TBC1D4: variants seen among roughly 807,000 people sequenced by gnomAD.
TBC1D4 encodes TBC1 domain family member 4, also known as TBC (Tre-2, BUB2, CDC16) domain-containing protein.
In TBC1D4, 121 loss-of-function variants were observed where a neutral mutation model predicts 142.5. The observed-to-expected ratio is 0.85, with a 90% CI of 0.73 to 0.99. The LOEUF is 0.99. Among genes scored for constraint, TBC1D4 ranks in the 50% least tolerant of loss-of-function variants. The pLI is 0.00. For synonymous variants in TBC1D4, 630 were observed against 628.2 expected, an observed-to-expected ratio of 1.00 and a Z score of -0.04; for missense variants, 1,475 against 1,606.6, an observed-to-expected ratio of 0.92 and a Z score of 1.40.
rs369238359 is a variant in TBC1D4 at position 75,312,857 on chromosome 13, T to C, written c.2264A>G (p.Asn755Ser). 1.7e-5 allele frequency: 27 copies of C among 1,614,060 alleles called. No individual in the cohort carries two copies. The African/African-American group carries it at 3.1e-4, about 18-fold the overall frequency. Residue 755 changes from asparagine (N) to serine (S), a missense_variant, in exon 13 of 21, where the codon AAT (asparagine) becomes AGT (serine). Asn to Ser is a conservative substitution (Grantham distance 46). Coordinates refer to ENST00000377636, the MANE Select transcript of TBC1D4 (RefSeq NM_014832.5). ...GRKRTSSTCSNESLSVGGTSV... is the reference protein window; with the variant it reads ...GRKRTSSTCSSESLSVGGTSV... ...GGTTCCTCCCACACTTAGGGACTCA[T>C]TGCTGCAGGTAGATGAGGTCCTTTT...
In TBC1D4 at chr13:75,362,077, G is replaced by A; in HGVS notation, c.1029C>T (p.Pro343=). The change falls in exon 2 of 21, where the codon CCC becomes CCT. Residue 343 remains proline, a synonymous_variant. Coordinates refer to ENST00000377636, the MANE Select transcript of TBC1D4 (RefSeq NM_014832.5). The surrounding 1 kb of genome is among the most constrained non-coding windows in gnomAD (Gnocchi z 4.2). ...SQPRRRHASA[P]SHVQPSDSEK... is the part of the protein sequence containing the mutation. ...CCGAGTCCGAGGGCTGGACGTGACT[G>A]GGTGCGCTCGCGTGTCTCCGTCGCG... 5 of 1,614,100 alleles carry A rather than the reference G, an allele frequency of 3.1e-6. No individual in the cohort carries two copies. The highest frequency in any genetic ancestry group is 4.2e-6 in the Non-Finnish European group (5 of 1,180,034).
In TBC1D4 at chr13:75,393,359, T is replaced by G. The variant is rs1454032593; in HGVS notation, c.499-30752A>C. Among the ~76,000 whole-genome samples the G allele has an allele frequency of 2.6e-5, 4 of 152,256 alleles. No homozygotes were observed. In the East Asian group the frequency reaches 7.7e-4, roughly 29 times the overall value. On this transcript the variant is annotated intron_variant, in intron 1 of 20. Coordinates refer to ENST00000377636, the MANE Select transcript of TBC1D4 (RefSeq NM_014832.5). ...TTTCAGTAGAACAATTAATACTGTC[T>G]CAGTTCTTAATATTTATATAATAAA... is the stretch of plus-strand genomic sequence containing the variant.
intron 2 of TBC1D4, among the ~76,000 whole-genome samples, chr13:75,360,564 G>GTT (rs935858119): frequency 6.9e-6 from 1 of 145,180 alleles, no homozygotes; most frequent in Non-Finnish European, 1.5e-5. Context: ...TCAGGGGTGT[G>GTT]TTTTTTTTTA....
intron 3 of TBC1D4, 82 bp downstream of exon 3, chr13:75,359,687 G>A: frequency 9.2e-7 from 1 of 1,085,812 alleles, no homozygotes; most frequent in South Asian, 1.4e-5. Flanking sequence ...AAAATTTGAA[G>A]GGGGTCAAGC....
chr13:75,439,535 CTAAA>C (rs1228609228), intron 1 of TBC1D4, among the ~76,000 whole-genome samples: 1 of 152,184 alleles, frequency 6.6e-6, no homozygotes, highest in Non-Finnish European at 1.5e-5. Context: ...ATATAAATAG[CTAAA>C]TAACTCACTT....
chr13:75,420,866 C>A (rs139876024), intron 1 of TBC1D4, among the ~76,000 whole-genome samples: 4 of 152,180 alleles, frequency 2.6e-5, no homozygotes, highest in African/African-American at 4.8e-5. Flanking sequence ...AAGAAATATA[C>A]CCTCTACAAG....
At chr13:75,313,272 TA>T (rs1169765698) in intron 12 of TBC1D4, among the ~76,000 whole-genome samples, 1 of 152,226 alleles carries the variant, frequency 6.6e-6, no homozygotes, top group Non-Finnish European at 1.5e-5. Flanking sequence ...AAATATTCCA[TA>T]AAAGCCTCAC....
chr13:75,410,891 G>C (rs994145190), intron 1 of TBC1D4, among the ~76,000 whole-genome samples: 3 of 124,600 alleles, frequency 2.4e-5, no homozygotes, highest in African/African-American at 9.4e-5. Flanking sequence ...AGCCGAGATC[G>C]CGCCACTGCA....
chr13:75,405,072 T>C (rs1295930348), intron 1 of TBC1D4, among the ~76,000 whole-genome samples: 1 of 152,154 alleles, frequency 6.6e-6, no homozygotes, highest in Non-Finnish European at 1.5e-5. Flanking sequence ...GGTCATTATG[T>C]ATGTAATACC....
intron 10 of TBC1D4, 63 bp downstream of exon 10, chr13:75,326,134 C>T: frequency 6.4e-7 from 1 of 1,567,722 alleles, no homozygotes; most frequent in Non-Finnish European, 8.8e-7. Flanking sequence ...ACCTTGACTC[C>T]AGAGTAATCA....
At chr13:75,375,630 C>A (rs534459761) in intron 1 of TBC1D4, 1 of 152,144 alleles carries the variant, frequency 6.6e-6, no homozygotes, top group Non-Finnish European at 1.5e-5. Flanking sequence ...GGTGCAGGTG[C>A]CTTCTATCTT....
chr13:75,320,041 G>T lies in TBC1D4; in HGVS notation c.2199-4C>A. 1 of 1,613,200 alleles carries T rather than the reference G, an allele frequency of 6.2e-7. No homozygotes were observed. The highest frequency in any genetic ancestry group is 8.5e-7 in the Non-Finnish European group (1 of 1,179,586). On this transcript the variant is annotated splice_polypyrimidine_tract_variant and splice_region_variant and intron_variant, in intron 11 of 20. Coordinates refer to ENST00000377636, the MANE Select transcript of TBC1D4 (RefSeq NM_014832.5). ...TGATTCTGAAGCAGTGTCTTGTCTG[G>T]TACAACAGGAAAACAAGGAATGGAA...
intron 15 of TBC1D4, among the ~76,000 whole-genome samples, chr13:75,303,782 C>T (rs997267923): frequency 5.9e-5 from 9 of 152,142 alleles, no homozygotes; most frequent in Non-Finnish European, 1.2e-4. Context: ...TTTTAAGCAC[C>T]ATTACTTCCC....
At chr13:75,288,905 C>A in intron 20 of TBC1D4, 29 bp downstream of exon 20, 1 of 1,611,030 alleles carries the variant, frequency 6.2e-7, no homozygotes, top group Non-Finnish European at 8.5e-7. Flanking sequence ...CATTGAAGTA[C>A]TTATTTGCTC....
chr13:75,304,923 A>G (rs1877012189), intron 15 of TBC1D4, among the ~76,000 whole-genome samples: 1 of 152,196 alleles, frequency 6.6e-6, no homozygotes, highest in South Asian at 2.1e-4. Flanking sequence ...ATGAGATCAG[A>G]AAGGAGGAAG....
intron 5 of TBC1D4, among the ~76,000 whole-genome samples, chr13:75,345,432 G>T (rs976875726): frequency 6.6e-6 from 1 of 152,116 alleles, no homozygotes; most frequent in Non-Finnish European, 1.5e-5. Context: ...AGGGACTTAG[G>T]AAAACAACCC....
chr13:75,304,425 T>C (rs530178552), intron 15 of TBC1D4, among the ~76,000 whole-genome samples: 1 of 152,334 alleles, frequency 6.6e-6, no homozygotes, highest in South Asian at 2.1e-4. Context: ...CATCCATTCA[T>C]TCATCTAGTA....
chr13:75,364,355 G>T (rs541003353), intron 1 of TBC1D4, among the ~76,000 whole-genome samples: 1 of 152,330 alleles, frequency 6.6e-6, no homozygotes, highest in Admixed American at 6.5e-5. Context: ...TGTGGATAAG[G>T]AGGGGCTGTT....
At chr13:75,393,464 G>A (rs1007214894) in intron 1 of TBC1D4, among the ~76,000 whole-genome samples, 2 of 152,116 alleles carry the variant, frequency 1.3e-5, no homozygotes, top group African/African-American at 2.4e-5. Context: ...ATCCTTTGCC[G>A]CATTCGATCC....
Sources: gnomAD v4.1 joint callset for allele counts (sites outside exome capture counted in the v4.1 genomes callset) on GRCh38, gnomAD v4.1.1 for gene constraint, Gnocchi (gnomAD v3.1) non-coding constraint, MANE v1.5 for transcripts, NCBI Gene and HGNC (gene_info 2026-07-23, HGNC 2026-07-21) for gene names.